Variants in SSR1 observed in about 807,000 individuals in gnomAD.
The protein encoded by SSR1 is translocon-associated protein subunit alpha.
Under a neutral mutation model 36.1 loss-of-function variants are expected in SSR1, and 13 were observed. The ratio of observed to expected loss-of-function variants is 0.36; its 90% CI spans 0.23 to 0.57. The LOEUF (loss-of-function observed/expected upper bound fraction) is 0.57, where lower values mean the gene tolerates loss of function less well. SSR1 is among the 20% of genes least tolerant of loss of function. The pLI, the probability that SSR1 is intolerant of heterozygous loss-of-function variation, is 0.81. For synonymous variants in SSR1, 113 were observed against 118.9 expected (o/e 0.95, Z 0.32); for missense variants, 291 against 338.5 (o/e 0.86, Z 1.10).
chr6:7,293,446 C>T (rs150802639), intron 7 of SSR1, among the ~76,000 whole-genome samples: 1 of 152,196 alleles, frequency 6.6e-6, no homozygotes, highest in East Asian at 1.9e-4. Flanking sequence ...TCCCCACCCC[C>T]ACCTTTTCTT....
chr6:7,300,922 TGTGA>T (rs1757919660), intron 4 of SSR1, among the ~76,000 whole-genome samples: 1 of 152,200 alleles, frequency 6.6e-6, no homozygotes, highest in Admixed American at 6.5e-5. Context: ...AGATTACAGG[TGTGA>T]GCCACTGTAC....
rs1183719803 is a variant in SSR1 at position 7,301,524 on chromosome 6, T to C, written c.329A>G (p.Lys110Arg). 6.2e-7 allele frequency: 1 copy of C among 1,613,782 alleles called. No homozygotes were observed. Residue 110 changes from lysine (K) to arginine (R), a missense_variant, in exon 4 of 8, where the codon AAG becomes AGG. Lys to Arg is a conservative substitution (Grantham distance 26, BLOSUM62 2). Transcript: ENST00000244763. ...TTCAACAATAAAATCTTCTGTACCCTTGTTGGTAAAGCCTACCAGGAACTT... is the reference window on the plus strand; with the variant it reads ...TTCAACAATAAAATCTTCTGTACCCCTGTTGGTAAAGCCTACCAGGAACTT... ...IVKFLVGFTN[K>R]GTEDFIVESL...
rs1382841894 is a variant in SSR1, at chr6:7,287,482, C to G, written c.*2382G>C. 6.6e-6 allele frequency: 1 copy of G among 152,148 alleles called. No homozygotes were observed. Among genetic ancestry groups the G allele is most frequent in the East Asian group, 1.9e-4 (1 of 5,194 alleles). The allele number at this position is 152,148 out of a possible 1,614,324, so 9.4% of individuals were successfully genotyped here. A position where few individuals can be genotyped will look rare whatever the true frequency, so the allele number is the denominator to read the frequency against. ...TGAGGTCCCATTTCCTTTTCCTCTC[C>G]TGGGACAATGCTTTAGAGGGCAGAT... On this transcript the variant is annotated 3_prime_UTR_variant, in exon 8 of 8. Transcript: ENST00000244763.
At chr6:7,295,087 C>T (rs1757763776) in intron 7 of SSR1, 1 of 1,517,692 alleles carries the variant, frequency 6.6e-7, no homozygotes, top group Non-Finnish European at 8.8e-7. Context: ...AAATGCCTCA[C>T]CTCTTCTACT....
At chr6:7,309,865 A>G in intron 2 of SSR1, 52 bp downstream of exon 2, 1 of 1,361,692 alleles carries the variant, frequency 7.3e-7, no homozygotes, top group Non-Finnish European at 1.1e-6. Context: ...ATGAGAACAG[A>G]TGAATACAAT....
At chr6:7,313,018 C>T (rs377488493) in intron 1 of SSR1, 24 bp downstream of exon 1, 1 of 1,582,594 alleles carries the variant, frequency 6.3e-7, no homozygotes, top group Non-Finnish European at 8.6e-7. Context: ...TGGCCATCCC[C>T]TCCGCACACT....
At position 7,281,260 on chromosome 6, in the gene SSR1, G is replaced by C. The variant is rs1757413328; in HGVS notation, c.*8604C>G. The C allele has an allele frequency of 2.0e-5, 3 of 152,196 alleles. No homozygotes were observed. The highest frequency in any genetic ancestry group is 2.0e-4 in the Admixed American group (3 of 15,282). The allele number at this position is 152,196 out of a possible 1,614,324, so 9.4% of individuals were successfully genotyped here. On this transcript the variant is annotated 3_prime_UTR_variant, in exon 8 of 8. Coordinates refer to ENST00000244763, the MANE Select transcript of SSR1 (RefSeq NM_003144.5). ...GTAACAACAACCAAGAAAGCAAAGT[G>C]CTCGTTTCCATCTTGGCTTTACCAC...
At chr6:7,301,959 A>G (rs1487787282) in intron 3 of SSR1, among the ~76,000 whole-genome samples, 1 of 152,220 alleles carries the variant, frequency 6.6e-6, no homozygotes, top group African/African-American at 2.4e-5. Flanking sequence ...AAGAATGAAG[A>G]AAAGATAAAG....
At chr6:7,312,319 G>T (rs1409171413) in intron 1 of SSR1, among the ~76,000 whole-genome samples, 9 of 152,168 alleles carry the variant, frequency 5.9e-5, no homozygotes, top group South Asian at 2.1e-4. Flanking sequence ...ACAATACGAT[G>T]TTTCCACAAA....
chr6:7,306,863 C>T lies in SSR1; in HGVS notation c.192+3054G>A, dbSNP rs573742607. On this transcript the variant is annotated intron_variant, in intron 2 of 7. Transcript: ENST00000244763. The stretch of plus-strand genomic sequence containing the variant: ...CCCGGGAGGTGGAGCTTGCAGTGAG[C>T]GGAGATCCACGCCACTGCACTCCAG... Among the ~76,000 whole-genome samples, 8 of 130,392 alleles carry T rather than the reference C, an allele frequency of 6.1e-5. No homozygotes were observed. The South Asian group carries it at 8.0e-4, about 13-fold the overall frequency. 85.5% of individuals were successfully genotyped at this position (130,392 alleles called of 152,430 possible).
In SSR1 at chr6:7,297,958, T is replaced by G. The variant is rs1296053162; in HGVS notation, c.664A>C (p.Ile222Leu). The G allele has an allele frequency of 6.2e-7, 1 of 1,613,392 alleles. No individual in the cohort carries two copies. The highest frequency in any genetic ancestry group is 8.5e-7 in the Non-Finnish European group (1 of 1,179,746). Reference sequence around the variant, plus strand: ...TCTAGGAGTTGATGAAGGCCAACAATAACCAGAAGCCCAAGACCAGCAAGG... The same window carrying G: ...TCTAGGAGTTGATGAAGGCCAACAAGAACCAGAAGCCCAAGACCAGCAAGG... ...MFLAGLGLLV[I>L]VGLHQLLESR... Residue 222 changes from isoleucine to leucine, a missense_variant, in exon 6 of 8, where the codon ATT becomes CTT. Ile to Leu is a conservative substitution (Grantham distance 5). Transcript: ENST00000244763.
At chr6:7,300,120 CTG>C (rs1757901735) in intron 4 of SSR1, among the ~76,000 whole-genome samples, 2 of 152,110 alleles carry the variant, frequency 1.3e-5, no homozygotes, top group Admixed American at 6.6e-5. Context: ...TAAGTAATAA[CTG>C]TAAGTTATTA....
intron 7 of SSR1, among the ~76,000 whole-genome samples, chr6:7,292,593 C>G (rs201262490): frequency 6.6e-6 from 1 of 151,960 alleles, no homozygotes; most frequent in East Asian, 1.9e-4. Context: ...GCTATGTGGC[C>G]GAGGCTGGAT....
chr6:7,309,284 CCT>C (rs1300457037), intron 2 of SSR1, among the ~76,000 whole-genome samples: 1 of 152,072 alleles, frequency 6.6e-6, no homozygotes, highest in African/African-American at 2.4e-5. Context: ...ATAGCAAGAC[CCT>C]GTCTCTACAA....
intron 7 of SSR1, among the ~76,000 whole-genome samples, chr6:7,293,340 A>AC (rs1757724364): frequency 6.6e-6 from 1 of 150,794 alleles, no homozygotes. Flanking sequence ...TTTATCCCTC[A>AC]CCCCCCTCCT....
rs1757548965 is a variant in SSR1 at position 7,286,192 on chromosome 6, T to G, written c.*3672A>C. 2 of 152,052 alleles carry G rather than the reference T, an allele frequency of 1.3e-5. No homozygotes were observed. The highest frequency in any genetic ancestry group is 4.1e-4 in the South Asian group (2 of 4,828). The allele number at this position is 152,052 out of a possible 1,614,324, so 9.4% of individuals were successfully genotyped here. ...TAAATGAGTTCCCTTCCCCCTTTCT[T>G]AAACTGCAGCAAAGTGGTACCCAAA... On this transcript the variant is annotated 3_prime_UTR_variant, in exon 8 of 8. Transcript: ENST00000244763.
intron 2 of SSR1, among the ~76,000 whole-genome samples, chr6:7,306,682 C>T (rs1030439968): frequency 2.3e-4 from 34 of 150,734 alleles, no homozygotes; most frequent in East Asian, 6.1e-4. Flanking sequence ...TTCGGGAGGC[C>T]GAGGCGGGCG....
intron 2 of SSR1, among the ~76,000 whole-genome samples, chr6:7,308,275 A>C (rs1048704529): frequency 1.3e-5 from 2 of 152,168 alleles, no homozygotes; most frequent in African/African-American, 4.8e-5. Context: ...CAGAAGCATA[A>C]AAATGATAAC....
intron 4 of SSR1, among the ~76,000 whole-genome samples, chr6:7,300,800 GC>G (rs1260708787): frequency 3.3e-5 from 5 of 152,008 alleles, no homozygotes; most frequent in African/African-American, 1.2e-4. Flanking sequence ...CTGCCACCAT[GC>G]CCAGCTAATT....
Sources: gnomAD v4.1 joint callset for allele counts (sites outside exome capture counted in the v4.1 genomes callset) on GRCh38, gnomAD v4.1.1 for gene constraint, MANE v1.5 for transcripts, NCBI Gene and HGNC (gene_info 2026-07-23, HGNC 2026-07-21) for gene names.